Variants in KAZN observed in about 807,000 individuals in gnomAD.
KAZN encodes the protein kazrin.
Under a neutral mutation model 87.4 loss-of-function variants are expected in KAZN, and 40 were observed. The ratio of observed to expected loss-of-function variants is 0.46; its 90% CI spans 0.36 to 0.60. The LOEUF (loss-of-function observed/expected upper bound fraction) is 0.60, where lower values mean the gene tolerates loss of function less well. KAZN is among the 20% of genes least tolerant of loss of function. The pLI is 0.00. For missense variants in KAZN, 898 were observed against 1,073.9 expected, an observed-to-expected ratio of 0.84 and a Z score of 2.29; for synonymous variants, 466 against 458.3, an observed-to-expected ratio of 1.02 and a Z score of -0.22.
At chr1:15,004,942 C>A (rs764413922) in intron 2 of KAZN, among the ~76,000 whole-genome samples, 5 of 152,148 alleles carry the variant, frequency 3.3e-5, no homozygotes, top group Admixed American at 6.6e-5. Flanking sequence ...ACCTGAGAAT[C>A]GACTTTTTAT....
rs75435434 is a variant in KAZN, at chr1:14,883,639, C to A, written c.227-77045C>A. The stretch of plus-strand genomic sequence containing the variant: ...CTTATTAGAATAATGTACCTGCACA[C>A]AATATTGGATCTAATTTCAAGAGAT... On this transcript the variant is annotated intron_variant, in intron 1 of 14. Transcript: ENST00000376030. Among the ~76,000 whole-genome samples the A allele has an allele frequency of 1.3e-5, 2 of 151,946 alleles. 1 individual carries two copies. Among genetic ancestry groups the A allele is most frequent in the African/African-American group, 4.8e-5 (2 of 41,394 alleles).
chr1:14,188,051 G>A lies in KAZN; in HGVS notation c.249+7459G>A, dbSNP rs147873416. On this transcript the variant is annotated intron_variant, in intron 2 of 16. Coordinates refer to the KAZN transcript ENST00000636203. ...CTGGGGGCAACTGACTATAAATATG[G>A]GAGTAAACAGATAACAGTGAGTTTT... is the stretch of plus-strand genomic sequence containing the variant. 3.6e-4 allele frequency among the ~76,000 whole-genome samples: 55 copies of A among 152,116 alleles called. 1 individual carries two copies. The East Asian group carries it at 0.011, about 30-fold the overall frequency.
chr1:14,889,824 T>C (rs1387151571), intron 1 of KAZN, among the ~76,000 whole-genome samples: 1 of 152,246 alleles, frequency 6.6e-6, no homozygotes, highest in Non-Finnish European at 1.5e-5. Flanking sequence ...GCCTTGCCCA[T>C]GTATTTATGA....
chr1:14,159,984 C>A (rs1184599359), intron 1 of KAZN, among the ~76,000 whole-genome samples: 1 of 152,314 alleles, frequency 6.6e-6, no homozygotes, highest in East Asian at 1.9e-4. Context: ...ATGCAAGACT[C>A]TTCCCTTTCC....
At chr1:14,489,192 AAG>A (rs1292154076) in intron 2 of KAZN, among the ~76,000 whole-genome samples, 6 of 152,288 alleles carry the variant, frequency 3.9e-5, no homozygotes, top group Non-Finnish European at 8.8e-5. Flanking sequence ...ATGTGAAAAA[AAG>A]AAGAATATGA....
chr1:14,560,439 C>T (rs1407446418), intron 2 of KAZN, among the ~76,000 whole-genome samples: 5 of 152,066 alleles, frequency 3.3e-5, no homozygotes, highest in South Asian at 2.1e-4. Context: ...ATTAGCCAGG[C>T]GTGGTGGTAT....
At chr1:15,079,034 T>C (rs1639882528) in intron 8 of KAZN, among the ~76,000 whole-genome samples, 1 of 152,154 alleles carries the variant, frequency 6.6e-6, no homozygotes, top group Non-Finnish European at 1.5e-5. Flanking sequence ...TTGAGGGAGA[T>C]CGGAGGTGGG....
chr1:14,257,957 A>T (rs1251878716), intron 2 of KAZN, among the ~76,000 whole-genome samples: 3 of 40,294 alleles, frequency 7.4e-5, no homozygotes, highest in African/African-American at 3.2e-4. Context: ...AAAAAAAAAC[A>T]TTAAAAAAAA....
chr1:14,257,244 G>GT (rs958551421), intron 2 of KAZN, among the ~76,000 whole-genome samples: 5 of 151,628 alleles, frequency 3.3e-5, no homozygotes, highest in Non-Finnish European at 7.4e-5. Flanking sequence ...TTCTTCATGT[G>GT]TTTTTTGGCT....
chr1:14,224,496 C>T (rs947488197), intron 2 of KAZN, among the ~76,000 whole-genome samples: 1 of 152,108 alleles, frequency 6.6e-6, no homozygotes, highest in African/African-American at 2.4e-5. Flanking sequence ...CTGGGTGATG[C>T]CAACAGATGC....
At chr1:14,655,328 G>T (rs1638721479) in intron 1 of KAZN, among the ~76,000 whole-genome samples, 1 of 152,218 alleles carries the variant, frequency 6.6e-6, no homozygotes. Context: ...CCACAGCAAA[G>T]TCCCATGGCA....
chr1:14,681,613 GTATATATATATATATATA>G (rs1338776154), intron 1 of KAZN, among the ~76,000 whole-genome samples: 440 of 29,054 alleles, frequency 0.015, 5 homozygotes, highest in Non-Finnish European at 0.021. Flanking sequence ...ATGTATATGT[GTATATATATATATATATA>G]TATATATATA....
chr1:14,489,890 T>C (rs1007827938), intron 2 of KAZN, among the ~76,000 whole-genome samples: 3 of 152,186 alleles, frequency 2.0e-5, no homozygotes, highest in Admixed American at 1.3e-4. Context: ...ATAAATATTC[T>C]TGTGTATAAA....
chr1:14,030,516 C>G (rs1380287093), intron 1 of KAZN, among the ~76,000 whole-genome samples: 1 of 151,944 alleles, frequency 6.6e-6, no homozygotes, highest in Non-Finnish European at 1.5e-5. Flanking sequence ...ACCCGCATGG[C>G]ACATGTATAC....
At chr1:14,391,470 C>T (rs1322949879) in intron 2 of KAZN, 1 of 152,426 alleles carries the variant, frequency 6.6e-6, no homozygotes, top group Non-Finnish European at 1.5e-5. Flanking sequence ...CCGGGGAAAC[C>T]AACAACACCT....
intron 1 of KAZN, among the ~76,000 whole-genome samples, chr1:14,711,137 G>A (rs959822877): frequency 6.6e-6 from 1 of 152,220 alleles, no homozygotes; most frequent in African/African-American, 2.4e-5. Context: ...AGGCTGCAGT[G>A]AGCCATGATG....
At chr1:14,532,977 T>C (rs1459317473) in intron 2 of KAZN, among the ~76,000 whole-genome samples, 1 of 152,108 alleles carries the variant, frequency 6.6e-6, no homozygotes, top group Non-Finnish European at 1.5e-5. Flanking sequence ...ATCCTTTGGG[T>C]ATATACCCAG....
chr1:14,023,343 A>G (rs1442309987), intron 1 of KAZN, among the ~76,000 whole-genome samples: 1 of 152,120 alleles, frequency 6.6e-6, no homozygotes, highest in Non-Finnish European at 1.5e-5. Context: ...ACAAAAACAA[A>G]ACAAGAAACA....
chr1:15,062,197 T>C (rs532140743), intron 6 of KAZN: 1 of 152,414 alleles, frequency 6.6e-6, no homozygotes, highest in East Asian at 1.9e-4. Context: ...TTGCCCACCA[T>C]AGCCTTGGCA....
Sources: allele counts gnomAD v4.1 joint callset (sites outside exome capture counted in the v4.1 genomes callset), GRCh38; gene constraint gnomAD v4.1.1; transcripts MANE v1.5; gene names NCBI Gene and HGNC (gene_info 2026-07-23, HGNC 2026-07-21).